Variants in B4GALT5 observed in about 807,000 individuals in gnomAD.
B4GALT5 encodes UDP-Gal:beta-GlcNAc beta-1,4-galactosyltransferase 5.
B4GALT5 carries 11 observed loss-of-function variants against 45.0 expected under a neutral mutation model. The observed-to-expected ratio is 0.24, with a 90% confidence interval of 0.15 to 0.40. B4GALT5 has a LOEUF of 0.40. B4GALT5 is among the 10% of genes least tolerant of loss of function. B4GALT5 has a pLI of 1.00. For synonymous variants in B4GALT5, 185 were observed against 182.9 expected (o/e 1.01, Z -0.09); for missense variants, 337 against 500.2 (o/e 0.67, Z 3.11).
At chr20:49,654,418 C>G (rs1052539332) in intron 2 of B4GALT5, among the ~76,000 whole-genome samples, 6 of 152,356 alleles carry the variant, frequency 3.9e-5, no homozygotes, top group African/African-American at 7.2e-5. Context: ...GTTCAGAGCT[C>G]AGGTAACTTG....
intron 8 of B4GALT5, 137 bp from the exon 9 acceptor site, chr20:49,636,596 G>A: frequency 2.2e-6 from 2 of 919,286 alleles, no homozygotes; most frequent in South Asian, 1.7e-5. Context: ...TGGGCGCACG[G>A]CCAATTCTGC....
intron 1 of B4GALT5, 115 bp downstream of exon 1, chr20:49,713,461 G>C: frequency 9.4e-7 from 1 of 1,065,572 alleles, no homozygotes; most frequent in Non-Finnish European, 1.4e-6. Flanking sequence ...CGGAGTCTTC[G>C]GAGGACCAGG....
intron 1 of B4GALT5, among the ~76,000 whole-genome samples, chr20:49,687,871 G>C (rs536581501): frequency 6.7e-6 from 1 of 150,176 alleles, no homozygotes; most frequent in South Asian, 2.1e-4. Flanking sequence ...CCAACAGCCA[G>C]AGAAAATTAA....
chr20:49,667,196 T>C (rs150641494), intron 1 of B4GALT5, among the ~76,000 whole-genome samples: 22 of 152,168 alleles, frequency 1.4e-4, no homozygotes, highest in African/African-American at 5.1e-4. Context: ...TGCCCACACT[T>C]TGTTTGATTC....
At chr20:49,643,775 G>A in intron 3 of B4GALT5, 125 bp from the exon 4 acceptor site, 2 of 1,021,540 alleles carry the variant, frequency 2.0e-6, no homozygotes, top group South Asian at 1.8e-5. Flanking sequence ...AAGGATGGAA[G>A]TCCCTTCCTC....
chr20:49,713,600 A>G lies in B4GALT5; in HGVS notation c.91T>C (p.Phe31Leu). The G allele has an allele frequency of 6.3e-7, 1 of 1,589,676 alleles. No homozygotes were observed. Among genetic ancestry groups the G allele is most frequent in the Non-Finnish European group, 8.6e-7 (1 of 1,169,300 alleles). ...CCTATGCCGGGCGCCACATAGACGA[A>G]GTACAGCAGCGAGGACGAGAGAGAA... Reference protein sequence around the residue: ...FFSLSSSLLYFVYVAPGIVNT... With the variant: ...FFSLSSSLLYLVYVAPGIVNT... Residue 31 changes from phenylalanine to leucine, a missense_variant, in exon 1 of 9, where the codon TTC (phenylalanine) becomes CTC (leucine). By Grantham distance (22) the Phe-to-Leu change is conservative. Around this residue, in one of 2 missense-constraint regions of B4GALT5, gnomAD observed 174 missense variants for 207.4 expected, o/e 0.84. Coordinates refer to ENST00000371711, the MANE Select transcript of B4GALT5 (RefSeq NM_004776.4).
intron 1 of B4GALT5, among the ~76,000 whole-genome samples, chr20:49,705,708 A>G (rs980957122): frequency 2.0e-5 from 3 of 152,216 alleles, no homozygotes; most frequent in Admixed American, 6.5e-5. Flanking sequence ...GCTCAGAATC[A>G]TGAAACTTCA....
In B4GALT5 at chr20:49,704,291, C is replaced by T. The variant is rs2085874890; in HGVS notation, c.115+9285G>A. Among the ~76,000 whole-genome samples the T allele has an allele frequency of 2.0e-5, 3 of 152,184 alleles. No homozygotes were observed. The South Asian group carries it at 6.2e-4, about 31-fold the overall frequency. ...GAAGAAGGTTTAAATGTCAATTATC[C>T]ATACTTTTAGGACTACTTGGGAGGG... On this transcript the variant is annotated intron_variant, in intron 1 of 8. Transcript: ENST00000371711.
At chr20:49,707,239 A>G (rs977967990) in intron 1 of B4GALT5, among the ~76,000 whole-genome samples, 1 of 152,192 alleles carries the variant, frequency 6.6e-6, no homozygotes. Context: ...AAACATCACC[A>G]AAGTCCTGGT....
intron 1 of B4GALT5, among the ~76,000 whole-genome samples, chr20:49,709,394 T>C (rs539216806): frequency 6.6e-5 from 10 of 152,292 alleles, no homozygotes; most frequent in Admixed American, 3.3e-4. Flanking sequence ...CACCACTTTC[T>C]CTCTTTCACT....
intron 1 of B4GALT5, among the ~76,000 whole-genome samples, chr20:49,657,973 T>C (rs534474071): frequency 2.6e-5 from 4 of 152,262 alleles, no homozygotes; most frequent in African/African-American, 9.6e-5. Flanking sequence ...AACAGGGACA[T>C]TGAAATCTTT....
In B4GALT5 at chr20:49,693,431, C is replaced by T. The variant is rs182465576; in HGVS notation, c.115+20145G>A. Among the ~76,000 whole-genome samples, 23 of 152,262 alleles carry T rather than the reference C, an allele frequency of 1.5e-4. 1 individual carries two copies. In the East Asian group the frequency reaches 4.2e-3, roughly 28 times the overall value. On this transcript the variant is annotated intron_variant, in intron 1 of 8. Transcript: ENST00000371711. ...GTCACCAAACCAGTAAGTTGCAGAG[C>T]GGGGACAAGAGCTAAGAATCATTAG...
intron 2 of B4GALT5, among the ~76,000 whole-genome samples, chr20:49,649,211 C>T (rs974529803): frequency 2.6e-5 from 4 of 152,162 alleles, no homozygotes; most frequent in Non-Finnish European, 5.9e-5. Context: ...TGCTTTCTGT[C>T]CTTTTCAGTA....
In B4GALT5 at chr20:49,644,204, G is replaced by T. The variant is rs375349385; in HGVS notation, c.365-554C>A. Among the ~76,000 whole-genome samples, 46 of 152,066 alleles carry T rather than the reference G, an allele frequency of 3.0e-4. 1 individual carries two copies. In the South Asian group the frequency reaches 9.6e-3, roughly 32 times the overall value. Reference sequence around the variant, plus strand: ...GGCCACCCAAAATGTTAGGATTACAGTCGTGGGCCACTGTGCCCAGCCTTC... The same window carrying T: ...GGCCACCCAAAATGTTAGGATTACATTCGTGGGCCACTGTGCCCAGCCTTC... On this transcript the variant is annotated intron_variant, in intron 3 of 8. Transcript: ENST00000371711.
chr20:49,657,226 T>A (rs2085647249), intron 1 of B4GALT5, among the ~76,000 whole-genome samples: 1 of 152,130 alleles, frequency 6.6e-6, no homozygotes, highest in Non-Finnish European at 1.5e-5. Flanking sequence ...TCACTTACCC[T>A]TGGGAGATTT....
At chr20:49,710,464 G>A (rs1001392113) in intron 1 of B4GALT5, among the ~76,000 whole-genome samples, 16 of 143,160 alleles carry the variant, frequency 1.1e-4, no homozygotes, top group Non-Finnish European at 1.5e-5. Context: ...CTATCACCCA[G>A]GCTGGAGTGC....
chr20:49,698,332 A>G (rs2085848026), intron 1 of B4GALT5, among the ~76,000 whole-genome samples: 1 of 152,110 alleles, frequency 6.6e-6, no homozygotes, highest in African/African-American at 2.4e-5. Flanking sequence ...CAAAAAAATA[A>G]AAAAAGAAAA....
chr20:49,699,384 A>C (rs898053596), intron 1 of B4GALT5, among the ~76,000 whole-genome samples: 2 of 151,660 alleles, frequency 1.3e-5, no homozygotes, highest in Non-Finnish European at 2.9e-5. Flanking sequence ...AAAAAAAAAA[A>C]AAAAACCCCA....
Position 49,713,636 on chromosome 20 carries a change from G to C in B4GALT5, c.55C>G (p.Leu19Val). 6.3e-7 allele frequency: 1 copy of C among 1,581,252 alleles called. No individual in the cohort carries two copies. The stretch of plus-strand genomic sequence containing the variant: ...GAGGACGAGAGAGAAAAGAAGAAGA[G>C]CGCGGCGAGCAGCGAGCGGCGCGGC... ...RLPRRSLLAALFFFSLSSSLL... is the reference protein window; with the variant it reads ...RLPRRSLLAAVFFFSLSSSLL... The change falls in exon 1 of 9, where the codon CTC (leucine) becomes GTC (valine). Residue 19 changes from leucine (L) to valine (V), a missense_variant. Leu to Val is a conservative substitution (Grantham distance 32, BLOSUM62 1). Transcript: ENST00000371711.
Sources: gnomAD v4.1 joint callset for allele counts (sites outside exome capture counted in the v4.1 genomes callset) on GRCh38, gnomAD v4.1.1 for gene constraint, gnomAD v4.1.1 regional missense constraint, MANE v1.5 for transcripts, NCBI Gene and HGNC (gene_info 2026-07-23, HGNC 2026-07-21) for gene names.